The following AFAP1 variants were observed in gnomAD, a reference collection of about 807,000 sequenced individuals.
AFAP1 encodes the protein actin filament associated protein 1.
Under a neutral mutation model 93.9 loss-of-function variants are expected in AFAP1, and 75 were observed. The observed-to-expected ratio is 0.80, with a 90% CI of 0.66 to 0.97. The LOEUF (loss-of-function observed/expected upper bound fraction) is 0.97. AFAP1 is among the 50% of genes least tolerant of loss of function. The pLI, the probability that AFAP1 is intolerant of heterozygous loss-of-function variation, is 0.00. For synonymous variants in AFAP1, 517 were observed against 430.7 expected, an observed-to-expected ratio of 1.20 and a Z score of -2.48; for missense variants, 1,201 against 1,050.8, an observed-to-expected ratio of 1.14 and a Z score of -1.98.
At position 7,825,096 on chromosome 4, in the gene AFAP1, CT is replaced by C. The variant is rs1021711611; in HGVS notation, c.727-5926del. Among the ~76,000 whole-genome samples the C allele has an allele frequency of 4.6e-5, 7 of 152,294 alleles. No homozygotes were observed. The South Asian group carries it at 1.0e-3, about 23-fold the overall frequency. ...ACAAATATTATCATTCATATTTTCACTGTTTATTATAGTTCTAAGAATGCAT... is the reference window on the plus strand; with the variant it reads ...ACAAATATTATCATTCATATTTTCACGTTTATTATAGTTCTAAGAATGCAT... On this transcript the variant is annotated intron_variant, in intron 6 of 17. Coordinates refer to ENST00000420658, the MANE Select transcript of AFAP1 (RefSeq NM_001134647.2).
chr4:7,884,685 A>G (rs980377840), intron 1 of AFAP1, among the ~76,000 whole-genome samples: 3 of 152,228 alleles, frequency 2.0e-5, no homozygotes, highest in Admixed American at 2.0e-4. Flanking sequence ...GAAAAACTCT[A>G]AAGATACTTG....
In AFAP1 at chr4:7,778,783, C is replaced by T. The variant is rs1269945037; in HGVS notation, c.1876G>A (p.Val626Ile). 3.1e-6 allele frequency: 5 copies of T among 1,614,196 alleles called. No homozygotes were observed. Among genetic ancestry groups the T allele is most frequent in the African/African-American group, 1.3e-5 (1 of 75,050 alleles). Reference protein sequence around the residue: ...SQPKKADPAAVVKRTGSNAAQ... With the variant: ...SQPKKADPAAIVKRTGSNAAQ... ...TTACTCGAACCCGTCCTTTTCACAA[C>T]AGCCGCGGGATCCGCTTTCTTTGGC... Residue 626 changes from valine (V) to isoleucine (I), a missense_variant, in exon 14 of 18, where the codon GTT becomes ATT. Transcript: ENST00000420658.
chr4:7,828,674 C>A (rs1721641048), intron 6 of AFAP1, among the ~76,000 whole-genome samples: 1 of 152,234 alleles, frequency 6.6e-6, no homozygotes, highest in Non-Finnish European at 1.5e-5. Flanking sequence ...CCATTGTGAA[C>A]ACTCTGTCTT....
intron 1 of AFAP1, among the ~76,000 whole-genome samples, chr4:7,912,005 C>T (rs949163195): frequency 2.6e-5 from 4 of 152,118 alleles, no homozygotes; most frequent in East Asian, 1.9e-4. Context: ...CAGCATGAGG[C>T]GCAACCAGAA....
intron 12 of AFAP1, among the ~76,000 whole-genome samples, chr4:7,785,610 AAT>A (rs1457986807): frequency 6.6e-6 from 1 of 152,202 alleles, no homozygotes; most frequent in Non-Finnish European, 1.5e-5. Flanking sequence ...TCCTTTAGTC[AAT>A]ATTTTAGTGG....
Position 7,769,008 on chromosome 4 carries a change from A to G in AFAP1, c.2254T>C (p.Ser752Pro). ...AGGGTCCGGTGCCGGAACACTGGAGACTTAACGGAGAGAGAGAACCCCATG... is the reference window on the plus strand; with the variant it reads ...AGGGTCCGGTGCCGGAACACTGGAGGCTTAACGGAGAGAGAGAACCCCATG... ...EPKSGTSSPQ[S>P]PVFRHRTLEN... Residue 752 changes from serine (S) to proline (P), a missense_variant and splice_region_variant, in exon 17 of 18, where the codon TCT becomes CCT. Ser to Pro is a moderately conservative substitution (Grantham distance 74). Coordinates refer to ENST00000420658, the MANE Select transcript of AFAP1 (RefSeq NM_001134647.2). 2.5e-6 allele frequency: 4 copies of G among 1,604,908 alleles called. No individual in the cohort carries two copies. Among genetic ancestry groups the G allele is most frequent in the Non-Finnish European group, 3.4e-6 (4 of 1,173,430 alleles).
intron 14 of AFAP1, 140 bp downstream of exon 14, chr4:7,778,622 T>C (rs1306214503): frequency 7.4e-6 from 6 of 808,472 alleles, no homozygotes; most frequent in African/African-American, 1.7e-5. Context: ...ATGTGGCTGA[T>C]GAGGAAGGAT....
At chr4:7,885,293 G>A (rs1388451005) in intron 1 of AFAP1, among the ~76,000 whole-genome samples, 2 of 151,938 alleles carry the variant, frequency 1.3e-5, no homozygotes, top group African/African-American at 2.4e-5. Context: ...CAAATATCAC[G>A]CCTGCTTCTG....
chr4:7,855,540 G>A lies in AFAP1; in HGVS notation c.260C>T (p.Ser87Phe). 1 of 1,614,068 alleles carries A rather than the reference G, an allele frequency of 6.2e-7. No homozygotes were observed. Among genetic ancestry groups the A allele is most frequent in the Non-Finnish European group, 8.5e-7 (1 of 1,179,988 alleles). Residue 87 changes from serine to phenylalanine, a missense_variant, in exon 4 of 18, where the codon TCC (serine) becomes TTC (phenylalanine). By Grantham distance (155) the Ser-to-Phe change is radical (BLOSUM62 -2). Coordinates refer to ENST00000420658, the MANE Select transcript of AFAP1 (RefSeq NM_001134647.2). ...PDSGPPPLPTSSLPEGYYEEA... is the reference protein window; with the variant it reads ...PDSGPPPLPTFSLPEGYYEEA... ...CTCATAATAACCTTCTGGGAGGGAG[G>A]ATGTTGGCAATGGTGGAGGCCCACT...
At chr4:7,858,294 G>A (rs545460887) in intron 3 of AFAP1, among the ~76,000 whole-genome samples, 2 of 152,316 alleles carry the variant, frequency 1.3e-5, no homozygotes, top group South Asian at 4.2e-4. Context: ...AATCTGGACT[G>A]CTTGACTTTT....
At chr4:7,781,200 T>C (rs1409863751) in intron 13 of AFAP1, among the ~76,000 whole-genome samples, 176 bp downstream of exon 13, 1 of 152,224 alleles carries the variant, frequency 6.6e-6, no homozygotes, top group Admixed American at 6.5e-5. Flanking sequence ...ATGAGCTCGT[T>C]AGAAATATCT....
At chr4:7,835,712 G>T (rs1241823970) in intron 6 of AFAP1, among the ~76,000 whole-genome samples, 5 of 58,788 alleles carry the variant, frequency 8.5e-5, no homozygotes, top group African/African-American at 2.1e-4. Flanking sequence ...GACTGCGGGC[G>T]GCCTTAAGGT....
chr4:7,838,815 A>G, intron 5 of AFAP1, 112 bp from the exon 6 acceptor site: 1 of 1,156,766 alleles, frequency 8.6e-7, no homozygotes, highest in Non-Finnish European at 1.2e-6. Context: ...TGAAAGTCTG[A>G]ATCTGCAGAT....
chr4:7,805,899 C>T (rs1719468034), intron 9 of AFAP1, among the ~76,000 whole-genome samples: 1 of 152,110 alleles, frequency 6.6e-6, no homozygotes, highest in African/African-American at 2.4e-5. Flanking sequence ...TCTAACGTTT[C>T]AAAACTTCCA....
At chr4:7,835,412 G>C (rs1712180888) in intron 6 of AFAP1, among the ~76,000 whole-genome samples, 1 of 109,214 alleles carries the variant, frequency 9.2e-6, no homozygotes. Flanking sequence ...TGAATGGACT[G>C]CGGGCTGCCT....
intron 10 of AFAP1, among the ~76,000 whole-genome samples, chr4:7,796,294 A>T (rs1374395516): frequency 6.6e-6 from 1 of 152,200 alleles, no homozygotes; most frequent in Non-Finnish European, 1.5e-5. Context: ...TTGTGCCACA[A>T]AGTAAGGAAA....
chr4:7,857,353 C>G (rs2149146425), intron 3 of AFAP1, among the ~76,000 whole-genome samples: 1 of 152,324 alleles, frequency 6.6e-6, no homozygotes, highest in South Asian at 2.1e-4. Flanking sequence ...AGATTCAACC[C>G]ACTCCTTCCT....
chr4:7,831,086 T>C (rs1711553368), intron 6 of AFAP1, among the ~76,000 whole-genome samples: 1 of 152,194 alleles, frequency 6.6e-6, no homozygotes. Flanking sequence ...CTAATAAATC[T>C]GAATCACTGG....
At chr4:7,875,200 ACT>A (rs1717419786) in intron 1 of AFAP1, among the ~76,000 whole-genome samples, 1 of 152,216 alleles carries the variant, frequency 6.6e-6, no homozygotes, top group Non-Finnish European at 1.5e-5. Flanking sequence ...TTCCAAATCT[ACT>A]ATTCTGTAAG....
Sources: gnomAD v4.1 joint callset for allele counts (sites outside exome capture counted in the v4.1 genomes callset) on GRCh38, gnomAD v4.1.1 for gene constraint, MANE v1.5 for transcripts, NCBI Gene and HGNC (gene_info 2026-07-23, HGNC 2026-07-21) for gene names.